KCNIP4: variants seen among roughly 807,000 people sequenced by gnomAD.
KCNIP4 encodes potassium voltage-gated channel interacting protein 4.
Under a neutral mutation model 34.0 loss-of-function variants are expected in KCNIP4, and 12 were observed. The ratio of observed to expected loss-of-function variants is 0.35; its 90% CI spans 0.23 to 0.57. The LOEUF (loss-of-function observed/expected upper bound fraction) is 0.57, where lower values mean the gene tolerates loss of function less well. Ranked by LOEUF, KCNIP4 falls within the 20% of genes least tolerant of loss-of-function variation. KCNIP4 has a pLI of 0.83. For missense variants in KCNIP4, 238 were observed against 311.7 expected (o/e 0.76, Z 1.78); for synonymous variants, 124 against 102.2 (o/e 1.21, Z -1.29).
intron 1 of KCNIP4, among the ~76,000 whole-genome samples, chr4:21,453,213 C>T (rs1728659550): frequency 6.6e-6 from 1 of 151,868 alleles, no homozygotes; most frequent in African/African-American, 2.4e-5. Flanking sequence ...AGATCCCTCC[C>T]AATGTTGACA....
intron 1 of KCNIP4, among the ~76,000 whole-genome samples, chr4:21,064,404 GAA>G (rs758710002): frequency 3.7e-5 from 5 of 134,556 alleles, no homozygotes; most frequent in South Asian, 4.6e-4. Context: ...TACCTCACAG[GAA>G]AAAAAAAAAA....
chr4:20,853,164 C>T lies in KCNIP4; in HGVS notation c.164-2497G>A, dbSNP rs113585117. Among the ~76,000 whole-genome samples, 65 of 152,112 alleles carry T rather than the reference C, an allele frequency of 4.3e-4. 1 individual carries two copies. Among genetic ancestry groups the T allele is most frequent in the African/African-American group, 1.2e-3 (51 of 41,516 alleles). On this transcript the variant is annotated intron_variant, in intron 2 of 8. Transcript: ENST00000382152. Reference sequence around the variant, plus strand: ...ATTCATGTGGAACCAAAAAAGAGCCCGCATGGCCTCATAGAAAAAGCAAGA... The same window carrying T: ...ATTCATGTGGAACCAAAAAAGAGCCTGCATGGCCTCATAGAAAAAGCAAGA...
At chr4:21,006,361 A>G (rs1250524461) in intron 1 of KCNIP4, among the ~76,000 whole-genome samples, 2 of 152,222 alleles carry the variant, frequency 1.3e-5, no homozygotes, top group African/African-American at 2.4e-5. Flanking sequence ...CCAAGAGGTA[A>G]CTTTTGAATT....
chr4:21,913,071 C>T (rs1017600776), intron 1 of KCNIP4, among the ~76,000 whole-genome samples: 1 of 151,874 alleles, frequency 6.6e-6, no homozygotes, highest in Non-Finnish European at 1.5e-5. Flanking sequence ...TTTGAATGTG[C>T]CCCCTCCAAA....
intron 1 of KCNIP4, among the ~76,000 whole-genome samples, chr4:21,868,637 T>G (rs955144429): frequency 8.6e-5 from 13 of 152,012 alleles, no homozygotes; most frequent in Admixed American, 1.3e-4. Flanking sequence ...CTATTGTTAC[T>G]GAATCTAATT....
chr4:21,072,032 C>T (rs1439161926), intron 1 of KCNIP4, among the ~76,000 whole-genome samples: 2 of 152,118 alleles, frequency 1.3e-5, no homozygotes, highest in African/African-American at 4.8e-5. Flanking sequence ...TTTCTTAATC[C>T]AGTCTGTCAT....
At chr4:21,302,243 A>G (rs1021829172) in intron 1 of KCNIP4, among the ~76,000 whole-genome samples, 1 of 152,162 alleles carries the variant, frequency 6.6e-6, no homozygotes, top group Non-Finnish European at 1.5e-5. Flanking sequence ...GGGAGAGGGA[A>G]TATTTGTGCT....
chr4:21,720,164 C>T (rs1331777342), intron 1 of KCNIP4, among the ~76,000 whole-genome samples: 8 of 151,972 alleles, frequency 5.3e-5, no homozygotes, highest in Admixed American at 5.3e-4. Flanking sequence ...ATCTTAAAGG[C>T]TCCATTGAAA....
intron 1 of KCNIP4, among the ~76,000 whole-genome samples, chr4:21,587,335 G>T (rs1741705406): frequency 6.6e-6 from 1 of 152,000 alleles, no homozygotes; most frequent in African/African-American, 2.4e-5. Flanking sequence ...AATCACAAAT[G>T]AGGTAAGGGA....
chr4:21,017,592 C>T lies in KCNIP4; in HGVS notation c.62-134883G>A, dbSNP rs184220721. Among the ~76,000 whole-genome samples the T allele has an allele frequency of 1.4e-4, 21 of 152,180 alleles. 1 individual carries two copies. The highest frequency in any genetic ancestry group is 2.9e-4 in the African/African-American group (12 of 41,532). Reference sequence around the variant, plus strand: ...ACATTTTCTTTATCCAGTCTATCATCGATGGGCATTTGGCTTGATTCCATG... The same window carrying T: ...ACATTTTCTTTATCCAGTCTATCATTGATGGGCATTTGGCTTGATTCCATG... On this transcript the variant is annotated intron_variant, in intron 1 of 8. Transcript: ENST00000382152.
chr4:21,496,658 G>A (rs2109875163), intron 1 of KCNIP4, among the ~76,000 whole-genome samples: 1 of 152,254 alleles, frequency 6.6e-6, no homozygotes, highest in Middle Eastern at 3.4e-3. Flanking sequence ...CTGTGGACTG[G>A]TACCAGTCCA....
chr4:21,871,471 G>T lies in KCNIP4; in HGVS notation c.61+77100C>A, dbSNP rs187492267. ...GGAATACTATGCAGCCATATAAAAGGATGAGTTAATGTCCTTTGTAGGGAC... is the reference window on the plus strand; with the variant it reads ...GGAATACTATGCAGCCATATAAAAGTATGAGTTAATGTCCTTTGTAGGGAC... On this transcript the variant is annotated intron_variant, in intron 1 of 8. Coordinates refer to ENST00000382152, the MANE Select transcript of KCNIP4 (RefSeq NM_025221.6). Among the ~76,000 whole-genome samples, 1,177 of 151,618 alleles carry T rather than the reference G, an allele frequency of 7.8e-3. 16 individuals are homozygous for T. The highest frequency in any genetic ancestry group is 0.027 in the African/African-American group (1,114 of 41,288).
intron 1 of KCNIP4, among the ~76,000 whole-genome samples, chr4:21,730,837 G>A (rs1715537002): frequency 6.6e-6 from 1 of 152,124 alleles, no homozygotes; most frequent in Non-Finnish European, 1.5e-5. Flanking sequence ...TCTAGGCTGG[G>A]CGCAGTGGCT....
chr4:21,757,859 C>T (rs954859836), intron 1 of KCNIP4, among the ~76,000 whole-genome samples: 1 of 152,004 alleles, frequency 6.6e-6, no homozygotes, highest in African/African-American at 2.4e-5. Context: ...TTTTTGTAGC[C>T]ACAGGTGAGC....
intron 1 of KCNIP4, among the ~76,000 whole-genome samples, chr4:21,776,045 G>A (rs986384424): frequency 5.3e-5 from 8 of 152,214 alleles, no homozygotes; most frequent in African/African-American, 1.9e-4. Flanking sequence ...CCATTCTAGG[G>A]TTGGGACACT....
chr4:20,838,852 T>A (rs1043050392), intron 3 of KCNIP4, among the ~76,000 whole-genome samples: 3 of 152,212 alleles, frequency 2.0e-5, no homozygotes, highest in African/African-American at 7.2e-5. Context: ...AATCTTGAAG[T>A]CTTTAGAAAG....
chr4:21,246,920 A>G (rs1171361651), intron 1 of KCNIP4, among the ~76,000 whole-genome samples: 1 of 152,106 alleles, frequency 6.6e-6, no homozygotes, highest in Non-Finnish European at 1.5e-5. Context: ...ATGAAAATAT[A>G]ATAAGTAATT....
chr4:20,799,272 C>T (rs1713901770), intron 3 of KCNIP4, among the ~76,000 whole-genome samples: 1 of 152,190 alleles, frequency 6.6e-6, no homozygotes, highest in Admixed American at 6.5e-5. Context: ...CTGCACCTCA[C>T]CTTCTAGCAC....
chr4:20,801,483 C>A (rs2149417915), intron 3 of KCNIP4, among the ~76,000 whole-genome samples: 1 of 152,120 alleles, frequency 6.6e-6, no homozygotes, highest in East Asian at 1.9e-4. Flanking sequence ...TACAGCACTA[C>A]AGCTACAATA....
Sources: allele counts gnomAD v4.1 joint callset (sites outside exome capture counted in the v4.1 genomes callset), GRCh38; gene constraint gnomAD v4.1.1; transcripts MANE v1.5; gene names NCBI Gene and HGNC (gene_info 2026-07-23, HGNC 2026-07-21).